The following CUX1 variants were observed in gnomAD, a reference collection of about 807,000 sequenced individuals.
The protein encoded by CUX1 is protein CASP.
In CUX1, 31 loss-of-function variants were observed where a neutral mutation model predicts 158.8. The observed-to-expected ratio is 0.20, with a 90% CI of 0.15 to 0.26. The LOEUF is 0.26. CUX1 is among the 10% of genes least tolerant of loss of function. The pLI, the probability that CUX1 is intolerant of heterozygous loss-of-function variation, is 1.00. For synonymous variants in CUX1, 879 were observed against 862.1 expected, an observed-to-expected ratio of 1.02 and a Z score of -0.34; for missense variants, 1,589 against 2,014.6, an observed-to-expected ratio of 0.79 and a Z score of 4.04.
rs185678134 is a variant in CUX1, at chr7:101,919,889, C to G, written c.141+3664C>G. ...TGGGACTCTGACAGGCGGGAGAAGCCACAGGAACATCAGGAGGTGAGCGCC... is the reference window on the plus strand; with the variant it reads ...TGGGACTCTGACAGGCGGGAGAAGCGACAGGAACATCAGGAGGTGAGCGCC... On this transcript the variant is annotated intron_variant, in intron 2 of 23. Transcript: ENST00000292535. Among the ~76,000 whole-genome samples, 643 of 152,196 alleles carry G rather than the reference C, an allele frequency of 4.2e-3. 6 individuals are homozygous for G. Among genetic ancestry groups the G allele is most frequent in the African/African-American group, 0.015 (613 of 41,528 alleles).
chr7:102,268,457 T>G (rs1012555505), intron 14 of CUX1, among the ~76,000 whole-genome samples: 1 of 152,108 alleles, frequency 6.6e-6, no homozygotes, highest in African/African-American at 2.4e-5. Flanking sequence ...TGCATCCTCC[T>G]GCTGTCTCCC....
intron 17 of CUX1, chr7:102,275,464 G>A: frequency 1.1e-6 from 1 of 912,052 alleles, no homozygotes; most frequent in Non-Finnish European, 1.7e-6. Flanking sequence ...TAAACCTCAG[G>A]GGGAAGAGAT....
At chr7:102,142,458 C>T (rs994584048) in intron 8 of CUX1, among the ~76,000 whole-genome samples, 6 of 152,144 alleles carry the variant, frequency 3.9e-5, no homozygotes, top group African/African-American at 1.4e-4. Context: ...CCTAAACAGC[C>T]TTTAAAAGTC....
intron 15 of CUX1, 113 bp from the exon 16 acceptor site, chr7:102,198,689 C>G: frequency 1.1e-6 from 1 of 908,598 alleles, no homozygotes; most frequent in Non-Finnish European, 1.8e-6. Flanking sequence ...CACAGGCAGC[C>G]CTGAGCCCTT....
chr7:102,047,829 T>A (rs752510809), intron 3 of CUX1, among the ~76,000 whole-genome samples: 1 of 152,180 alleles, frequency 6.6e-6, no homozygotes, highest in Non-Finnish European at 1.5e-5. Context: ...TCCATCAATT[T>A]AATGCAGTCG....
intron 9 of CUX1, among the ~76,000 whole-genome samples, chr7:102,170,194 A>G (rs571045751): frequency 1.3e-5 from 2 of 152,232 alleles, no homozygotes; most frequent in African/African-American, 4.8e-5. Context: ...GGGCCGGAGT[A>G]TTAGTATCAG....
intron 8 of CUX1, among the ~76,000 whole-genome samples, chr7:102,136,923 A>G (rs1362880167): frequency 2.0e-5 from 3 of 152,146 alleles, no homozygotes; most frequent in Non-Finnish European, 4.4e-5. Flanking sequence ...TTACTGGTGT[A>G]GGGGAGTTTG....
downstream of CUX1, chr7:102,258,271 T>A: frequency 1.2e-6 from 1 of 804,122 alleles, no homozygotes; most frequent in Non-Finnish European, 1.5e-6. Flanking sequence ...TGCTCTGGCC[T>A]GAGGACGAGC....
intron 14 of CUX1, chr7:102,265,114 G>C (rs1222710902): frequency 6.6e-6 from 1 of 152,162 alleles, no homozygotes; most frequent in Admixed American, 6.6e-5. Flanking sequence ...CCAGCACTTT[G>C]GGAGGCCAAG....
downstream of CUX1, among the ~76,000 whole-genome samples, chr7:102,262,758 C>G (rs1286106010): frequency 6.6e-6 from 1 of 152,154 alleles, no homozygotes; most frequent in Non-Finnish European, 1.5e-5. Flanking sequence ...TGTGGGAATC[C>G]CGGTGCAACT....
At chr7:102,181,007 T>C (rs1461283620) in intron 11 of CUX1, among the ~76,000 whole-genome samples, 3 of 151,730 alleles carry the variant, frequency 2.0e-5, no homozygotes, top group African/African-American at 7.3e-5. Flanking sequence ...GATGGCGCCA[T>C]CTCCACTCAC....
intron 2 of CUX1, among the ~76,000 whole-genome samples, chr7:102,003,178 C>T (rs1189666091): frequency 3.9e-5 from 6 of 152,036 alleles, no homozygotes; most frequent in Admixed American, 2.6e-4. Flanking sequence ...GGATTACAGG[C>T]GTGAGCCACC....
At chr7:101,946,513 A>C (rs1307002076) in intron 2 of CUX1, among the ~76,000 whole-genome samples, 7 of 148,184 alleles carry the variant, frequency 4.7e-5, no homozygotes, top group Non-Finnish European at 9.0e-5. Context: ...CACTGCACTC[A>C]AGTCTGTGTG....
At chr7:101,906,545 G>A (rs996230583) in intron 1 of CUX1, among the ~76,000 whole-genome samples, 2 of 151,978 alleles carry the variant, frequency 1.3e-5, no homozygotes, top group East Asian at 3.9e-4. Flanking sequence ...CCCCCAGGAA[G>A]CCACAGAAGG....
At chr7:101,862,669 C>T (rs898583228) in intron 1 of CUX1, among the ~76,000 whole-genome samples, 9 of 151,976 alleles carry the variant, frequency 5.9e-5, no homozygotes, top group African/African-American at 1.9e-4. Flanking sequence ...CATATTAAAC[C>T]TGGTGTAATT....
rs376319241 is a variant in CUX1, at chr7:102,178,529, C to T, written c.889C>T (p.Arg297Trp). The T allele has an allele frequency of 3.7e-6, 6 of 1,613,454 alleles. No individual in the cohort carries two copies. The highest frequency in any genetic ancestry group is 2.2e-5 in the East Asian group (1 of 44,856). The change falls in exon 11 of 24, where the codon CGG (arginine) becomes TGG (tryptophan). Residue 297 changes from arginine (R) to tryptophan (W), a missense_variant. Coordinates refer to ENST00000292535, the MANE Select transcript of CUX1 (RefSeq NM_181552.4). The stretch of plus-strand genomic sequence containing the variant: ...AGAAGTTGAGTTGGCCGCCAAGGAG[C>T]GGGAGATCGCACAGCTGGTGGAGGA... ...SLEVELAAKE[R>W]EIAQLVEDVQ...
intron 11 of CUX1, among the ~76,000 whole-genome samples, chr7:102,187,477 A>C (rs1793754225): frequency 6.6e-6 from 1 of 152,156 alleles, no homozygotes; most frequent in South Asian, 2.1e-4. Flanking sequence ...TAACTTGTCC[A>C]TAGGCACCCA....
chr7:102,178,381 C>A, intron 10 of CUX1, 88 bp from the exon 11 acceptor site: 1 of 1,274,552 alleles, frequency 7.8e-7, no homozygotes, highest in Non-Finnish European at 1.1e-6. Context: ...GACATCTGTG[C>A]AGCTTCTGTC....
chr7:102,104,269 T>A, intron 5 of CUX1, 67 bp from the exon 6 acceptor site: 1 of 1,488,060 alleles, frequency 6.7e-7, no homozygotes, highest in Non-Finnish European at 9.1e-7. Context: ...TATGAGAGCC[T>A]TGTACCTACA....
Sources: allele counts gnomAD v4.1 joint callset (sites outside exome capture counted in the v4.1 genomes callset), GRCh38; gene constraint gnomAD v4.1.1; transcripts MANE v1.5; gene names NCBI Gene and HGNC (gene_info 2026-07-23, HGNC 2026-07-21).